The following RTN1 variants were observed in gnomAD, a reference collection of about 807,000 sequenced individuals.
RTN1 encodes the protein reticulon 1.
RTN1 carries 25 observed loss-of-function variants against 65.5 expected under a neutral mutation model. That is an observed-to-expected ratio of 0.38 (90% CI 0.28 to 0.53). The LOEUF (loss-of-function observed/expected upper bound fraction) is 0.53, where lower values mean the gene tolerates loss of function less well. Ranked by LOEUF, RTN1 falls within the 20% of genes least tolerant of loss-of-function variation. The pLI is 0.79. For missense variants in RTN1, 983 were observed against 1,025.4 expected, an observed-to-expected ratio of 0.96 and a Z score of 0.57; for synonymous variants, 471 against 447.6, an observed-to-expected ratio of 1.05 and a Z score of -0.66.
At chr14:59,629,108 T>C (rs1227430564) in intron 3 of RTN1, among the ~76,000 whole-genome samples, 1 of 152,262 alleles carries the variant, frequency 6.6e-6, no homozygotes, top group Non-Finnish European at 1.5e-5. Flanking sequence ...TTCCACGTAA[T>C]TGTCATCATT....
intron 1 of RTN1, among the ~76,000 whole-genome samples, chr14:59,795,309 T>C (rs8020176): frequency 0.2 from 30,312 of 152,124 alleles, 4,341 homozygotes; most frequent in African/African-American, 0.4. Flanking sequence ...AGGAGATACT[T>C]TGGTTTTTTT....
chr14:59,776,282 G>GC (rs958265683), intron 1 of RTN1, among the ~76,000 whole-genome samples: 2 of 152,040 alleles, frequency 1.3e-5, no homozygotes, highest in Non-Finnish European at 2.9e-5. Flanking sequence ...GGTCATGAGG[G>GC]CCATGCCTTC....
At chr14:59,729,496 T>C (rs1294413228) in intron 2 of RTN1, among the ~76,000 whole-genome samples, 1 of 152,220 alleles carries the variant, frequency 6.6e-6, no homozygotes, top group African/African-American at 2.4e-5. Flanking sequence ...GTTAGTTCCT[T>C]AATAAGTTGT....
intron 1 of RTN1, among the ~76,000 whole-genome samples, chr14:59,770,665 A>G (rs1885938841): frequency 6.6e-6 from 1 of 152,202 alleles, no homozygotes; most frequent in Non-Finnish European, 1.5e-5. Context: ...TATTGATCAA[A>G]TTAATTACAG....
chr14:59,674,716 T>C (rs1883585608), intron 3 of RTN1, among the ~76,000 whole-genome samples: 1 of 152,192 alleles, frequency 6.6e-6, no homozygotes, highest in Admixed American at 6.5e-5. Flanking sequence ...AGCTTTATAC[T>C]GTAGAAAGAA....
rs1314667820 is a variant in RTN1, at chr14:59,766,204, T to C, written c.242-19723A>G. ...GAGATCATGCCAATGCACTCCAGCCTGGGTGACAGAGTGAGACGCTGTCAA... is the reference window on the plus strand; with the variant it reads ...GAGATCATGCCAATGCACTCCAGCCCGGGTGACAGAGTGAGACGCTGTCAA... On this transcript the variant is annotated intron_variant, in intron 1 of 8. Transcript: ENST00000267484. This position sits in a 1 kb window ranked among gnomAD's most constrained non-coding sequence, Gnocchi z 4.4. Among the ~76,000 whole-genome samples the C allele has an allele frequency of 6.7e-6, 1 of 150,316 alleles. No individual in the cohort carries two copies. Among genetic ancestry groups the C allele is most frequent in the African/African-American group, 2.5e-5 (1 of 40,424 alleles).
intron 1 of RTN1, among the ~76,000 whole-genome samples, chr14:59,867,309 T>G (rs1461216961): frequency 6.6e-6 from 1 of 152,238 alleles, no homozygotes; most frequent in Non-Finnish European, 1.5e-5. Flanking sequence ...ATTCTTTGTA[T>G]AAAGTTATTA....
intron 1 of RTN1, among the ~76,000 whole-genome samples, chr14:59,765,177 TAA>T (rs1885827071): frequency 6.6e-6 from 1 of 151,088 alleles, no homozygotes; most frequent in Admixed American, 6.6e-5. Flanking sequence ...AAGACTAAGA[TAA>T]AAAGAGGTTC....
At chr14:59,739,517 G>A (rs1472470895) in intron 2 of RTN1, among the ~76,000 whole-genome samples, 1 of 150,146 alleles carries the variant, frequency 6.7e-6, no homozygotes, top group Admixed American at 6.6e-5. Context: ...CTCCAGCCTG[G>A]GCAACAGAGC....
intron 1 of RTN1, among the ~76,000 whole-genome samples, chr14:59,808,163 C>G (rs1248807302): frequency 6.6e-6 from 1 of 152,088 alleles, no homozygotes; most frequent in African/African-American, 2.4e-5. Flanking sequence ...TAACTCAGAC[C>G]AGATAATGCC....
At chr14:59,718,041 C>T (rs1884573900) in intron 3 of RTN1, among the ~76,000 whole-genome samples, 1 of 152,188 alleles carries the variant, frequency 6.6e-6, no homozygotes, top group African/African-American at 2.4e-5. Flanking sequence ...TACCAACTAC[C>T]CTTTGAGAAA....
chr14:59,675,974 C>T (rs897769203), intron 3 of RTN1, among the ~76,000 whole-genome samples: 1 of 152,122 alleles, frequency 6.6e-6, no homozygotes, highest in Non-Finnish European at 1.5e-5. Context: ...AACCCCCACT[C>T]CCCATTTAAT....
chr14:59,749,268 A>ATATATATATCTATATATATC (rs1435448586), intron 1 of RTN1, among the ~76,000 whole-genome samples: 3 of 21,086 alleles, frequency 1.4e-4, no homozygotes, highest in Non-Finnish European at 2.2e-4. Context: ...ATATATATCT[A>ATATATATATCTATATATATC]TATATATATC....
At chr14:59,658,377 C>A (rs75971952) in intron 3 of RTN1, among the ~76,000 whole-genome samples, 64,125 of 152,012 alleles carry the variant, frequency 0.42, 14,460 homozygotes, top group African/African-American at 0.57. Flanking sequence ...CACAGTGCTC[C>A]AGCTCTGCTA....
At chr14:59,610,922 C>T (rs1333071395) in intron 3 of RTN1, among the ~76,000 whole-genome samples, 1 of 151,980 alleles carries the variant, frequency 6.6e-6, no homozygotes, top group Non-Finnish European at 1.5e-5. Flanking sequence ...GTGGCCCCCA[C>T]CCAGGAATTG....
chr14:59,712,299 TCAG>T (rs1170795778), intron 3 of RTN1, among the ~76,000 whole-genome samples: 4 of 152,104 alleles, frequency 2.6e-5, no homozygotes, highest in African/African-American at 9.7e-5. Flanking sequence ...ACATTTTAAA[TCAG>T]CTGGGGCATA....
At chr14:59,838,758 A>G (rs556435353) in intron 1 of RTN1, among the ~76,000 whole-genome samples, 1 of 152,246 alleles carries the variant, frequency 6.6e-6, no homozygotes, top group South Asian at 2.1e-4. Flanking sequence ...CAACACAACC[A>G]TAAGAGTTAA....
rs1018273180 is a variant in RTN1, at chr14:59,713,611, C to T, written c.1765+13308G>A. On this transcript the variant is annotated intron_variant, in intron 3 of 8. Transcript: ENST00000267484. ...GCATGTCTTACCCTCAGGCAGCTCA[C>T]TGCTTCGCCCAATTCAGAGAGAATC... 2.1e-4 allele frequency among the ~76,000 whole-genome samples: 32 copies of T among 152,206 alleles called. 1 individual carries two copies. The highest frequency in any genetic ancestry group is 7.2e-4 in the African/African-American group (30 of 41,450).
At chr14:59,808,702 C>T (rs1411096090) in intron 1 of RTN1, among the ~76,000 whole-genome samples, 1 of 152,082 alleles carries the variant, frequency 6.6e-6, no homozygotes, top group East Asian at 1.9e-4. Context: ...GTGATTAGAT[C>T]CTGGGGGTGG....
Sources: allele counts gnomAD v4.1 joint callset (sites outside exome capture counted in the v4.1 genomes callset), GRCh38; gene constraint gnomAD v4.1.1; non-coding constraint Gnocchi (gnomAD v3.1); transcripts MANE v1.5; gene names NCBI Gene and HGNC (gene_info 2026-07-23, HGNC 2026-07-21).